Variants in PCDHGA11 observed in about 807,000 individuals in gnomAD.
PCDHGA11 encodes the protein protocadherin gamma subfamily A, 11, also known as protocadherin gamma-A11.
PCDHGA11 carries 39 observed loss-of-function variants against 60.4 expected under a neutral mutation model. The observed-to-expected ratio is 0.65, with a 90% CI of 0.50 to 0.84. The LOEUF (loss-of-function observed/expected upper bound fraction) is 0.84, where lower values mean the gene tolerates loss of function less well. PCDHGA11 is among the 40% of genes least tolerant of loss of function. PCDHGA11 has a pLI of 0.00. For missense variants in PCDHGA11, 1,165 were observed against 1,197.7 expected (o/e 0.97, Z 0.40); for synonymous variants, 533 against 510.3 (o/e 1.04, Z -0.60).
In PCDHGA11 at chr5:141,487,086, TCCCACCACAGAAG is replaced by T. The variant is rs2099639456; in HGVS notation, c.2434-7719_2434-7707del. 6.2e-7 allele frequency: 1 copy of T among 1,613,822 alleles called. No homozygotes were observed. ...ACGGCTGTTCCTATCCCAGCTGACC[TCCCACCACAGAAG>T]CTGGTCATTGTGGTAAAGGATAGTG... On this transcript the variant is annotated intron_variant, in intron 1 of 3. Coordinates refer to ENST00000398587, the MANE Select transcript of PCDHGA11 (RefSeq NM_018914.3). The surrounding 1 kb of genome is among the most constrained non-coding windows in gnomAD (Gnocchi z 5.0).
At chr5:141,469,415 A>C (rs2099200751) in intron 1 of PCDHGA11, among the ~76,000 whole-genome samples, 1 of 152,116 alleles carries the variant, frequency 6.6e-6, no homozygotes, top group Admixed American at 6.5e-5. Flanking sequence ...TTTCTACTAA[A>C]AATATAAAAC....
chr5:141,425,057 C>T (rs926732426), intron 1 of PCDHGA11, among the ~76,000 whole-genome samples: 4 of 152,026 alleles, frequency 2.6e-5, no homozygotes, highest in African/African-American at 4.8e-5. Flanking sequence ...ATCTAGGGCT[C>T]GGACAAAAAT....
At position 141,422,027 on chromosome 5, in the gene PCDHGA11, C is replaced by A; in HGVS notation, c.800C>A (p.Ala267Glu). 1 of 1,610,650 alleles carries A rather than the reference C, an allele frequency of 6.2e-7. No homozygotes were observed. The highest frequency in any genetic ancestry group is 8.5e-7 in the Non-Finnish European group (1 of 1,178,754). ...SSGTRVLMVNATDPDEGINGE... is the reference protein window; with the variant it reads ...SSGTRVLMVNETDPDEGINGE... The stretch of plus-strand genomic sequence containing the variant: ...GGAACTCGGGTGCTGATGGTTAATG[C>A]AACGGATCCAGACGAGGGAATCAAC... The change falls in exon 1 of 4, where the codon GCA becomes GAA. Residue 267 changes from alanine to glutamate, a missense_variant. By Grantham distance (107) the Ala-to-Glu change is moderately radical. Transcript: ENST00000398587.
chr5:141,431,960 T>C lies in PCDHGA11; in HGVS notation c.2433+8300T>C. On this transcript the variant is annotated intron_variant, in intron 1 of 3. Transcript: ENST00000398587. This position sits in a 1 kb window ranked among gnomAD's most constrained non-coding sequence, Gnocchi z 4.8. ...TAAATTAGAAAAATCTTACGGAAAT[T>C]ACTATAGTTTAGTCACAGACATAGT... The C allele has an allele frequency of 3.7e-6, 6 of 1,614,166 alleles. No individual in the cohort carries two copies. Among genetic ancestry groups the C allele is most frequent in the Non-Finnish European group, 5.1e-6 (6 of 1,180,034 alleles).
intron 3 of PCDHGA11, among the ~76,000 whole-genome samples, chr5:141,506,402 G>C (rs1032556978): frequency 7.0e-6 from 1 of 143,732 alleles, no homozygotes; most frequent in African/African-American, 2.6e-5. Context: ...GCAGAAAATC[G>C]CACCACTGCA....
In PCDHGA11 at chr5:141,491,759, G is replaced by A; in HGVS notation, c.2434-3048G>A. On this transcript the variant is annotated intron_variant, in intron 1 of 3. Coordinates refer to ENST00000398587, the MANE Select transcript of PCDHGA11 (RefSeq NM_018914.3). The surrounding 1 kb of genome is among the most constrained non-coding windows in gnomAD (Gnocchi z 6.9). ...GGGGGCGGCACTGGAGAAGCCGCCC[G>A]TCCTCATAAGGGATTGAACTTGCAT... 2 of 1,575,392 alleles carry A rather than the reference G, an allele frequency of 1.3e-6. No homozygotes were observed. The highest frequency in any genetic ancestry group is 1.9e-5 in the Admixed American group (1 of 52,640).
In PCDHGA11 at chr5:141,486,217, T is replaced by C; in HGVS notation, c.2434-8590T>C. ...TGCTGGACGTAAATGACAATGCCCC[T>C]TACATCACAGTGACCTCAGAGCTTG... On this transcript the variant is annotated intron_variant, in intron 1 of 3. Coordinates refer to ENST00000398587, the MANE Select transcript of PCDHGA11 (RefSeq NM_018914.3). The surrounding 1 kb of genome is among the most constrained non-coding windows in gnomAD (Gnocchi z 5.0). The C allele has an allele frequency of 6.2e-7, 1 of 1,614,120 alleles. No homozygotes were observed.
chr5:141,509,233 AG>A (rs1204393769), intron 3 of PCDHGA11, among the ~76,000 whole-genome samples: 1 of 152,104 alleles, frequency 6.6e-6, no homozygotes, highest in Non-Finnish European at 1.5e-5. Context: ...TTGATGTCCC[AG>A]GATTACTCAG....
chr5:141,470,860 T>G (rs2099242265), intron 1 of PCDHGA11, among the ~76,000 whole-genome samples: 1 of 151,788 alleles, frequency 6.6e-6, no homozygotes, highest in South Asian at 2.1e-4. Context: ...GATAAGTTTT[T>G]TGTTTGTTTG....
intron 1 of PCDHGA11, 48 bp from the exon 2 acceptor site, chr5:141,494,759 C>CT: frequency 6.2e-7 from 1 of 1,613,886 alleles, no homozygotes; most frequent in Non-Finnish European, 8.5e-7. Flanking sequence ...GGGTGACATT[C>CT]TAACTTCTCA....
chr5:141,438,597 T>C (rs1343540280), intron 1 of PCDHGA11, among the ~76,000 whole-genome samples: 20 of 38,918 alleles, frequency 5.1e-4, no homozygotes, highest in African/African-American at 1.6e-3. Flanking sequence ...CATACATATA[T>C]ATATATATAT....
At chr5:141,453,288 A>T (rs931678565) in intron 1 of PCDHGA11, among the ~76,000 whole-genome samples, 18 of 151,342 alleles carry the variant, frequency 1.2e-4, no homozygotes, top group Admixed American at 3.3e-4. Context: ...TAATTTTTTA[A>T]TTATTTATTT....
At chr5:141,473,102 C>T (rs1465515592) in intron 1 of PCDHGA11, among the ~76,000 whole-genome samples, 1 of 152,054 alleles carries the variant, frequency 6.6e-6, no homozygotes, top group Non-Finnish European at 1.5e-5. Flanking sequence ...AGTTGTATTA[C>T]CACACTTTAC....
In PCDHGA11 at chr5:141,423,627, C is replaced by T. The variant is rs925883716; in HGVS notation, c.2400C>T (p.Ile800=). Reference sequence around the variant, plus strand: ...TCTTGATAGCTGAAGACTCAGCTATCATTTTAGGCAAATGTGACCCGACAA... The same window carrying T: ...TCTTGATAGCTGAAGACTCAGCTATTATTTTAGGCAAATGTGACCCGACAA... ...EPLLIAEDSA[I]ILGKCDPTSN... The change falls in exon 1 of 4, where the codon ATC becomes ATT. Residue 800 remains isoleucine, a synonymous_variant. Coordinates refer to ENST00000398587, the MANE Select transcript of PCDHGA11 (RefSeq NM_018914.3). 6.2e-7 allele frequency: 1 copy of T among 1,604,886 alleles called. No individual in the cohort carries two copies. The highest frequency in any genetic ancestry group is 1.3e-5 in the African/African-American group (1 of 74,684).
chr5:141,452,378 T>C (rs1227738942), intron 1 of PCDHGA11, among the ~76,000 whole-genome samples: 1 of 152,226 alleles, frequency 6.6e-6, no homozygotes, highest in African/African-American at 2.4e-5. Context: ...TAGTAGGGAA[T>C]AGTATTTAGA....
At position 141,490,054 on chromosome 5, in the gene PCDHGA11, G is replaced by A. The variant is rs2099695440; in HGVS notation, c.2434-4753G>A. The A allele has an allele frequency of 6.2e-7, 1 of 1,614,104 alleles. No individual in the cohort carries two copies. The highest frequency in any genetic ancestry group is 1.3e-5 in the African/African-American group (1 of 74,944). ...CCTCAATGCCACTGATCCAGACGAG[G>A]GCACCAACGGCCAACTAGACTATTC... On this transcript the variant is annotated intron_variant, in intron 1 of 3. Transcript: ENST00000398587. This position sits in a 1 kb window ranked among gnomAD's most constrained non-coding sequence, Gnocchi z 5.4.
rs1373619696 is a variant in PCDHGA11 at position 141,421,565 on chromosome 5, A to T, written c.338A>T (p.Asp113Val). 2 of 1,613,834 alleles carry T rather than the reference A, an allele frequency of 1.2e-6. No individual in the cohort carries two copies. Among genetic ancestry groups the T allele is most frequent in the Admixed American group, 3.3e-5 (2 of 60,012 alleles). ...CFLNMELLVE[D>V]TLKIYGVEVE... ...TTAAATATGGAACTTCTCGTGGAAG[A>T]CACCTTGAAGATTTACGGAGTGGAG... The change falls in exon 1 of 4, where the codon GAC (aspartate) becomes GTC (valine). Residue 113 changes from aspartate (D) to valine (V), a missense_variant. Physicochemically the swap from Asp to Val is radical, Grantham distance 152. Transcript: ENST00000398587.
intron 1 of PCDHGA11, chr5:141,428,653 T>A (rs952656382): frequency 1.8e-5 from 3 of 167,524 alleles, no homozygotes; most frequent in Admixed American, 1.1e-4. Flanking sequence ...TCACGTGAGT[T>A]CCAATGAATG....
chr5:141,426,513 CG>C, intron 1 of PCDHGA11: 1 of 341,148 alleles, frequency 2.9e-6, no homozygotes, highest in Non-Finnish European at 5.8e-6. Flanking sequence ...AATACTTTAC[CG>C]TGAACACGGA....
Sources: gnomAD v4.1 joint callset for allele counts (sites outside exome capture counted in the v4.1 genomes callset) on GRCh38, gnomAD v4.1.1 for gene constraint, Gnocchi (gnomAD v3.1) non-coding constraint, MANE v1.5 for transcripts, NCBI Gene and HGNC (gene_info 2026-07-23, HGNC 2026-07-21) for gene names.